Variants in MAP1LC3A observed in about 807,000 individuals in gnomAD.
MAP1LC3A encodes microtubule associated protein 1 light chain 3 alpha, also known as microtubule-associated protein 1 light chain 3 alpha.
A neutral mutation model predicts 15.2 loss-of-function variants in MAP1LC3A; 10 were observed. That is an observed-to-expected ratio of 0.66 (90% confidence interval 0.41 to 1.12). The LOEUF is 1.12. Among genes scored for constraint, MAP1LC3A ranks in the 50% most tolerant of loss-of-function variants. The pLI, the probability that MAP1LC3A is intolerant of heterozygous loss-of-function variation, is 0.00. For synonymous variants in MAP1LC3A, 63 were observed against 64.3 expected, an observed-to-expected ratio of 0.98 and a Z score of 0.10; for missense variants, 138 against 167.3, an observed-to-expected ratio of 0.82 and a Z score of 0.97.
chr20:34,557,055 T>C (rs1216903130), upstream of MAP1LC3A, among the ~76,000 whole-genome samples: 2 of 152,228 alleles, frequency 1.3e-5, no homozygotes, highest in Non-Finnish European at 2.9e-5. Context: ...TATAGGTACA[T>C]CTTTTGGTTA....
chr20:34,559,434 G>T lies in MAP1LC3A; in HGVS notation c.184G>T (p.Glu62Ter), dbSNP rs1308774124. Residue 62 changes from glutamate to a stop codon, truncating the protein, a stop_gained, in exon 3 of 4, where the codon GAG becomes TAG. Transcript: ENST00000360668. LOFTEE classifies it high-confidence loss of function. ...GGTCCCGGACCATGTCAACATGAGC[G>T]AGTTGGTCAAGATCATCCGGTGCGT... ...FLVPDHVNMS[E>*]LVKIIRRRLQ... is the part of the protein sequence containing the mutation. 1.2e-6 allele frequency: 2 copies of T among 1,613,226 alleles called. No homozygotes were observed. Among genetic ancestry groups the T allele is most frequent in the Non-Finnish European group, 1.7e-6 (2 of 1,179,694 alleles).
chr20:34,559,711 C>T lies in MAP1LC3A; in HGVS notation c.204-25C>T, dbSNP rs767452505. On this transcript the variant is annotated intron_variant, in intron 3 of 3. Coordinates refer to ENST00000360668, the MANE Select transcript of MAP1LC3A (RefSeq NM_032514.4). ...CGTCCCGCAGCCAAGCCCCTCACAGCTGCATACTCTCCCGCCGGCTGCAGG... is the reference window on the plus strand; with the variant it reads ...CGTCCCGCAGCCAAGCCCCTCACAGTTGCATACTCTCCCGCCGGCTGCAGG... 5.0e-6 allele frequency: 8 copies of T among 1,590,250 alleles called. No individual in the cohort carries two copies. In the South Asian group the frequency reaches 7.9e-5, roughly 16 times the overall value.
chr20:34,559,101 G>A, intron 1 of MAP1LC3A, 107 bp from the exon 2 acceptor site: 2 of 1,348,714 alleles, frequency 1.5e-6, no homozygotes, highest in South Asian at 3.3e-5. Context: ...GATGGCCCCG[G>A]GGGTGGGGGC....
chr20:34,552,395 A>G (rs78024358), intron 2 of MAP1LC3A, among the ~76,000 whole-genome samples: 28 of 152,394 alleles, frequency 1.8e-4, no homozygotes, highest in African/African-American at 6.0e-4. Context: ...AATGCCCAGA[A>G]AAATTATACA....
At chr20:34,558,181 C>CT (rs1982231337), upstream of MAP1LC3A, 1 of 977,122 alleles carries the variant, frequency 1.0e-6, no homozygotes, top group African/African-American at 1.7e-5. This position sits in a 1 kb window ranked among gnomAD's most constrained non-coding sequence, Gnocchi z 4.3. Context: ...TTCTGTTGTC[C>CT]TTTTCTGCCT....
upstream of MAP1LC3A, chr20:34,558,408 A>T (rs1196778945): frequency 2.1e-5 from 21 of 990,950 alleles, no homozygotes; most frequent in Non-Finnish European, 2.5e-5. The surrounding 1 kb of genome is among the most constrained non-coding windows in gnomAD (Gnocchi z 4.3). Flanking sequence ...GTCAGTCCTG[A>T]CACAGACTCG....
intron 2 of MAP1LC3A, chr20:34,550,170 C>A: frequency 2.7e-6 from 2 of 743,614 alleles, no homozygotes; most frequent in Non-Finnish European, 4.5e-6. Context: ...CACTTTTTCT[C>A]AGGCCCATGG....
chr20:34,549,761 A>C, intron 1 of MAP1LC3A: 2 of 505,958 alleles, frequency 4.0e-6, no homozygotes, highest in Non-Finnish European at 7.2e-6. Context: ...TGCCATGGCA[A>C]TGGTAAACTG....
At chr20:34,556,540 T>A (rs1982165200), upstream of MAP1LC3A, among the ~76,000 whole-genome samples, 1 of 152,298 alleles carries the variant, frequency 6.6e-6, no homozygotes, top group Non-Finnish European at 1.5e-5. Context: ...AGGTCTTATG[T>A]CTCCCTATGA....
intron 1 of MAP1LC3A, among the ~76,000 whole-genome samples, chr20:34,548,468 A>G (rs1296017735): frequency 1.3e-5 from 2 of 150,230 alleles, no homozygotes; most frequent in Non-Finnish European, 3.0e-5. Context: ...AGAGCTGGAG[A>G]GGCCTGAGCA....
In MAP1LC3A at chr20:34,558,981, C is replaced by A; in HGVS notation, c.40+73C>A. ...CGACCCCGACTGCCGCAGGTGACGT[C>A]AGCCCCGTGACGTCAGGCTCTGGCT... On this transcript the variant is annotated intron_variant, in intron 1 of 3. Coordinates refer to ENST00000360668, the MANE Select transcript of MAP1LC3A (RefSeq NM_032514.4). The surrounding 1 kb of genome is among the most constrained non-coding windows in gnomAD (Gnocchi z 4.3). 7.5e-7 allele frequency: 1 copy of A among 1,342,234 alleles called. No homozygotes were observed. Among genetic ancestry groups the A allele is most frequent in the South Asian group, 1.8e-5 (1 of 54,682 alleles). The allele number at this position is 1,342,234 out of a possible 1,614,324, so 83.1% of individuals were successfully genotyped here. A position where few individuals can be genotyped will look rare whatever the true frequency, so the allele number is the denominator to read the frequency against.
At position 34,559,275 on chromosome 20, in the gene MAP1LC3A, A is replaced by ACCCCC; in HGVS notation, c.96+13_96+17dup. ...CCAGCAAAATCCCGGTGAGTCCCGC[A>ACCCCC]CCCCCAGCCCTGCCCCGCCCCCGCC... On this transcript the variant is annotated intron_variant, in intron 2 of 3. Transcript: ENST00000360668. 1.9e-6 allele frequency: 3 copies of ACCCCC among 1,583,446 alleles called. No homozygotes were observed. The highest frequency in any genetic ancestry group is 8.6e-7 in the Non-Finnish European group (1 of 1,166,224).
At chr20:34,556,503 GTTGT>G (rs1982163695), upstream of MAP1LC3A, among the ~76,000 whole-genome samples, 1 of 150,658 alleles carries the variant, frequency 6.6e-6, no homozygotes, top group Admixed American at 6.6e-5. Flanking sequence ...TTTTTTTTTG[GTTGT>G]TTGGTTTATT....
chr20:34,558,063 G>A (rs1288717551), upstream of MAP1LC3A: 17 of 985,276 alleles, frequency 1.7e-5, no homozygotes, highest in Admixed American at 9.8e-4. This position sits in a 1 kb window ranked among gnomAD's most constrained non-coding sequence, Gnocchi z 4.3. Flanking sequence ...AGCTCTGCTC[G>A]GGCCCGCGAG....
intron 2 of MAP1LC3A, 35 bp from the exon 3 acceptor site, chr20:34,559,312 C>A: frequency 6.3e-7 from 1 of 1,580,282 alleles, no homozygotes; most frequent in African/African-American, 1.3e-5. Flanking sequence ...CGCGCGTTCC[C>A]GACACGACCC....
upstream of MAP1LC3A, among the ~76,000 whole-genome samples, chr20:34,555,843 TTTC>T (rs1196272823): frequency 1.7e-4 from 25 of 150,406 alleles, no homozygotes; most frequent in African/African-American, 6.1e-4. Context: ...CCAAGTTTTC[TTTC>T]TTTTTTTTTT....
upstream of MAP1LC3A, among the ~76,000 whole-genome samples, chr20:34,554,231 G>C (rs970176885): frequency 6.6e-6 from 1 of 151,844 alleles, no homozygotes; most frequent in South Asian, 2.1e-4. Flanking sequence ...TTGGTGCTCT[G>C]GACCCCTGTA....
chr20:34,559,297 C>A, intron 2 of MAP1LC3A, 34 bp downstream of exon 2: 1 of 1,580,184 alleles, frequency 6.3e-7, no homozygotes. Flanking sequence ...GCCCCGCCCC[C>A]GCCTCGCGCG....
At chr20:34,551,469 T>TTTTC (rs1981947374) in intron 2 of MAP1LC3A, among the ~76,000 whole-genome samples, 1 of 134,162 alleles carries the variant, frequency 7.5e-6, no homozygotes. Flanking sequence ...ACGCTGTCCT[T>TTTTC]TTTTTTTTTT....
Sources: gnomAD v4.1 joint callset for allele counts (sites outside exome capture counted in the v4.1 genomes callset) on GRCh38, gnomAD v4.1.1 for gene constraint, Gnocchi (gnomAD v3.1) non-coding constraint, MANE v1.5 for transcripts, NCBI Gene and HGNC (gene_info 2026-07-23, HGNC 2026-07-21) for gene names.